PC: variants seen among roughly 807,000 people sequenced by gnomAD.
PC encodes pyruvate carboxylase, also known as pyruvate carboxylase, mitochondrial.
A neutral mutation model predicts 107.8 loss-of-function variants in PC; 46 were observed. The observed-to-expected ratio is 0.43, with a 90% CI of 0.34 to 0.55. The LOEUF (loss-of-function observed/expected upper bound fraction) is 0.55, where lower values mean the gene tolerates loss of function less well. Among genes scored for constraint, PC ranks in the 20% least tolerant of loss-of-function variants. The probability of loss-of-function intolerance (pLI) is 0.04; values close to 1 mark genes in which losing one functional copy is unlikely to be tolerated. For synonymous variants in PC, 662 were observed against 684.7 expected (o/e 0.97, Z 0.52); for missense variants, 1,241 against 1,643.1 (o/e 0.76, Z 4.23).
intron 12 of PC, among the ~76,000 whole-genome samples, chr11:66,855,377 C>T (rs1337753769): frequency 1.3e-5 from 2 of 152,202 alleles, no homozygotes; most frequent in Admixed American, 1.3e-4. Context: ...TTCAGTGGCA[C>T]AATCTCAGCT....
chr11:66,893,621 T>C (rs1947647950), intron 3 of PC, among the ~76,000 whole-genome samples: 1 of 152,124 alleles, frequency 6.6e-6, no homozygotes, highest in Admixed American at 6.5e-5. Context: ...ACTGGAAAAT[T>C]ATTCTTTTGT....
At chr11:66,860,354 G>A in intron 12 of PC, 2 of 1,118,612 alleles carry the variant, frequency 1.8e-6, no homozygotes, top group Non-Finnish European at 2.6e-6. Flanking sequence ...CTCGGTTCTG[G>A]CCTCCAGACC....
intron 13 of PC, 38 bp downstream of exon 13, chr11:66,853,201 G>C (rs751615888): frequency 2.9e-5 from 46 of 1,604,204 alleles, no homozygotes; most frequent in Non-Finnish European, 3.7e-5. Context: ...GAGAGCGGAG[G>C]GGAGGGGAGG....
chr11:66,937,606 C>A (rs1026151384), intron 3 of PC, among the ~76,000 whole-genome samples: 3 of 151,992 alleles, frequency 2.0e-5, no homozygotes, highest in Non-Finnish European at 4.4e-5. Flanking sequence ...CACCATGGGT[C>A]TCTGAGGCTG....
Position 66,858,913 on chromosome 11 carries a change from C to T in PC, c.1368+4861G>A. On this transcript the variant is annotated intron_variant, in intron 12 of 22. Coordinates refer to ENST00000393960, the MANE Select transcript of PC (RefSeq NM_001040716.2). This position sits in a 1 kb window ranked among gnomAD's most constrained non-coding sequence, Gnocchi z 5.9. Reference sequence around the variant, plus strand: ...GGCCGCCCCGGGCCCTCGGACATCGCCGCCTCCGCTCGCACTGCTGCCGAG... The same window carrying T: ...GGCCGCCCCGGGCCCTCGGACATCGTCGCCTCCGCTCGCACTGCTGCCGAG... 6.4e-7 allele frequency: 1 copy of T among 1,567,298 alleles called. No homozygotes were observed. Among genetic ancestry groups the T allele is most frequent in the Non-Finnish European group, 8.7e-7 (1 of 1,154,858 alleles).
Position 66,871,560 on chromosome 11 carries a change from T to G in PC, c.322-80A>C. The G allele has an allele frequency of 6.3e-7, 1 of 1,595,554 alleles. No individual in the cohort carries two copies. The highest frequency in any genetic ancestry group is 1.1e-5 in the South Asian group (1 of 90,592). On this transcript the variant is annotated intron_variant, in intron 5 of 22. Coordinates refer to ENST00000393960, the MANE Select transcript of PC (RefSeq NM_001040716.2). This position sits in a 1 kb window ranked among gnomAD's most constrained non-coding sequence, Gnocchi z 7.4. ...GGCCAGCCTCTTCCCCTGCCTAACC[T>G]GCTGAGCTGCATCCGTTTACCCACC...
At chr11:66,931,811 A>G (rs571619915) in intron 3 of PC, among the ~76,000 whole-genome samples, 1 of 152,168 alleles carries the variant, frequency 6.6e-6, no homozygotes, top group South Asian at 2.1e-4. Flanking sequence ...AGATCAGGAG[A>G]TAGAGACCAT....
At chr11:66,928,358 C>T (rs553384370) in intron 3 of PC, among the ~76,000 whole-genome samples, 4 of 148,466 alleles carry the variant, frequency 2.7e-5, no homozygotes, top group African/African-American at 1.0e-4. Flanking sequence ...TGCACTCCAG[C>T]CTGGGCGACA....
chr11:66,947,326 G>A (rs936574105), intron 3 of PC, among the ~76,000 whole-genome samples: 1 of 152,078 alleles, frequency 6.6e-6, no homozygotes, highest in Non-Finnish European at 1.5e-5. Context: ...GCTCATGCCT[G>A]TAATTCCAGC....
chr11:66,854,689 C>T (rs759918392), intron 12 of PC, among the ~76,000 whole-genome samples: 31 of 152,244 alleles, frequency 2.0e-4, no homozygotes, highest in African/African-American at 7.5e-4. Flanking sequence ...CCTGTCGGCA[C>T]CTTCAACAGG....
chr11:66,863,689 T>C, intron 12 of PC, 85 bp downstream of exon 12: 1 of 1,420,638 alleles, frequency 7.0e-7, no homozygotes, highest in Non-Finnish European at 9.6e-7. Context: ...TGAAGCCATG[T>C]GCAAGGCCCT....
At chr11:66,906,025 C>A (rs1948152873) in intron 3 of PC, among the ~76,000 whole-genome samples, 1 of 151,954 alleles carries the variant, frequency 6.6e-6, no homozygotes, top group African/African-American at 2.4e-5. Context: ...AGCACAGGAG[C>A]CCAAAAGAGA....
intron 3 of PC, among the ~76,000 whole-genome samples, chr11:66,903,765 A>ATAT (rs1396390102): frequency 8.2e-6 from 1 of 122,430 alleles, no homozygotes; most frequent in East Asian, 2.2e-4. Flanking sequence ...AAAAAAAAAA[A>ATAT]AAAAAAAAAT....
chr11:66,930,735 C>A, intron 3 of PC, among the ~76,000 whole-genome samples: 1 of 121,068 alleles, frequency 8.3e-6, no homozygotes, highest in Non-Finnish European at 1.7e-5. Context: ...GAGCAAGACT[C>A]TGTCTTAAAA....
chr11:66,916,371 C>A (rs1948463431), intron 3 of PC, among the ~76,000 whole-genome samples: 1 of 152,136 alleles, frequency 6.6e-6, no homozygotes, highest in Non-Finnish European at 1.5e-5. Context: ...CAGGCGTGAG[C>A]CACTGTGACC....
intron 3 of PC, among the ~76,000 whole-genome samples, chr11:66,914,919 A>G (rs1217497722): frequency 6.6e-6 from 1 of 151,960 alleles, no homozygotes; most frequent in East Asian, 1.9e-4. Context: ...GATCCCAGCT[A>G]CTCCAGAGGC....
chr11:66,858,224 G>A lies in PC; in HGVS notation c.1369-4841C>T, dbSNP rs1438077617. On this transcript the variant is annotated intron_variant, in intron 12 of 22. Coordinates refer to ENST00000393960, the MANE Select transcript of PC (RefSeq NM_001040716.2). The surrounding 1 kb of genome is among the most constrained non-coding windows in gnomAD (Gnocchi z 5.9). ...TGTCCTACAACAACCTCCGGCAGGT[G>A]CCCTGGGCCGGCATCGGCGCCATGC... 1.2e-6 allele frequency: 2 copies of A among 1,612,432 alleles called. No individual in the cohort carries two copies. Among genetic ancestry groups the A allele is most frequent in the South Asian group, 1.1e-5 (1 of 91,072 alleles).
chr11:66,905,486 C>A (rs1003131293), intron 3 of PC, among the ~76,000 whole-genome samples: 1 of 152,164 alleles, frequency 6.6e-6, no homozygotes, highest in Non-Finnish European at 1.5e-5. Context: ...CCTAGAGGAA[C>A]TAAGTTGTCT....
In PC at chr11:66,903,773, A is replaced by AATATATAT. The variant is rs1555039097; in HGVS notation, c.1-31622_1-31615dup. Among the ~76,000 whole-genome samples, 118 of 62,492 alleles carry AATATATAT rather than the reference A, an allele frequency of 1.9e-3. 3 individuals carry two copies. Among genetic ancestry groups the AATATATAT allele is most frequent in the South Asian group, 5.7e-3 (6 of 1,054 alleles). 41.0% of individuals were successfully genotyped at this position (62,492 alleles called of 152,430 possible). A position where few individuals can be genotyped will look rare whatever the true frequency, so the allele number is the denominator to read the frequency against. ...TCAGGAAAAAAAAAAAAAAAAAAAA[A>AATATATAT]ATATATATATATATATATACACACA... On this transcript the variant is annotated intron_variant, in intron 3 of 22. Transcript: ENST00000393960.
Sources: gnomAD v4.1 joint callset for allele counts (sites outside exome capture counted in the v4.1 genomes callset) on GRCh38, gnomAD v4.1.1 for gene constraint, Gnocchi (gnomAD v3.1) non-coding constraint, MANE v1.5 for transcripts, NCBI Gene and HGNC (gene_info 2026-07-23, HGNC 2026-07-21) for gene names.